Variants in MCPH1 observed in about 807,000 individuals in gnomAD.
MCPH1 encodes microcephalin.
A neutral mutation model predicts 84.5 loss-of-function variants in MCPH1; 104 were observed. That is an observed-to-expected ratio of 1.23 (90% confidence interval 1.05 to 1.45). The LOEUF is 1.45. Ranked by LOEUF, MCPH1 falls within the 40% of genes most tolerant of loss-of-function variation. The probability of loss-of-function intolerance (pLI) is 0.00; values close to 1 mark genes in which losing one functional copy is unlikely to be tolerated. For missense variants in MCPH1, 1,498 were observed against 1,005.7 expected, an observed-to-expected ratio of 1.49 and a Z score of -6.62; for synonymous variants, 514 against 366.8, an observed-to-expected ratio of 1.40 and a Z score of -4.58.
Position 6,592,459 on chromosome 8 carries a change from C to A in MCPH1, c.2215-28995C>A, listed in dbSNP as rs190238677. 6.1e-4 allele frequency among the ~76,000 whole-genome samples: 89 copies of A among 145,930 alleles called. 1 individual carries two copies. The highest frequency in any genetic ancestry group is 2.4e-3 in the African/African-American group (86 of 35,596). On this transcript the variant is annotated intron_variant, in intron 12 of 13. Coordinates refer to ENST00000344683, the MANE Select transcript of MCPH1 (RefSeq NM_024596.5). ...TTTTTGTGTTTTTCATAAATTAAATCTTGTAACTATTATATATTTCACAGA... is the reference window on the plus strand; with the variant it reads ...TTTTTGTGTTTTTCATAAATTAAATATTGTAACTATTATATATTTCACAGA...
intron 8 of MCPH1, chr8:6,446,426 C>A (rs1804381817): frequency 4.1e-6 from 4 of 985,302 alleles, no homozygotes; most frequent in Non-Finnish European, 4.8e-6. Context: ...TTGAAATCAT[C>A]ACAGACATGT....
chr8:6,590,394 T>G (rs1298804965), intron 12 of MCPH1, among the ~76,000 whole-genome samples: 1 of 151,102 alleles, frequency 6.6e-6, no homozygotes, highest in Admixed American at 6.6e-5. Context: ...TCATAAGCCA[T>G]TGTAACCAAA....
At chr8:6,595,976 A>T (rs773046916) in intron 12 of MCPH1, among the ~76,000 whole-genome samples, 1 of 152,232 alleles carries the variant, frequency 6.6e-6, no homozygotes, top group Non-Finnish European at 1.5e-5. Flanking sequence ...AATTTAAGAA[A>T]TGAATAATAT....
intron 9 of MCPH1, among the ~76,000 whole-genome samples, chr8:6,472,358 ACATCAAATGGAT>A (rs1263838188): frequency 6.6e-6 from 1 of 152,258 alleles, no homozygotes; most frequent in African/African-American, 2.4e-5. Context: ...CAATAGTAAC[ACATCAAATGGAT>A]CTCCTAATTA....
intron 3 of MCPH1, among the ~76,000 whole-genome samples, chr8:6,424,526 C>T (rs1800769048): frequency 6.6e-6 from 1 of 152,228 alleles, no homozygotes. Flanking sequence ...GCCTCCTCAG[C>T]CTTCTCACCC....
At chr8:6,460,981 G>A (rs1318688673) in intron 9 of MCPH1, among the ~76,000 whole-genome samples, 2 of 152,082 alleles carry the variant, frequency 1.3e-5, no homozygotes, top group Admixed American at 1.3e-4. Flanking sequence ...GAATTTTAAC[G>A]GCCACTTAAC....
At chr8:6,632,823 A>C (rs534329036) in intron 13 of MCPH1, among the ~76,000 whole-genome samples, 10 of 152,196 alleles carry the variant, frequency 6.6e-5, no homozygotes, top group Middle Eastern at 3.4e-3. Flanking sequence ...GAAGAAAAGA[A>C]AAAAAAACTC....
At chr8:6,474,469 A>G (rs577727932) in intron 9 of MCPH1, among the ~76,000 whole-genome samples, 8 of 152,268 alleles carry the variant, frequency 5.3e-5, no homozygotes, top group African/African-American at 1.7e-4. Context: ...GTCTCCAAAA[A>G]AAAAATTGCA....
chr8:6,409,176 G>T, intron 1 of MCPH1, 103 bp from the exon 2 acceptor site: 1 of 975,456 alleles, frequency 1.0e-6, no homozygotes, highest in South Asian at 1.4e-5. Flanking sequence ...GTGAGCCACT[G>T]TGCCGGCCTC....
At chr8:6,488,884 A>T (rs1192806636) in intron 11 of MCPH1, among the ~76,000 whole-genome samples, 2 of 151,904 alleles carry the variant, frequency 1.3e-5, no homozygotes, top group African/African-American at 2.4e-5. Context: ...CTGTGTCTAG[A>T]GGGGGGGTTG....
chr8:6,562,513 G>A (rs573992647), intron 12 of MCPH1: 9 of 751,546 alleles, frequency 1.2e-5, no homozygotes, highest in Middle Eastern at 4.2e-4. Context: ...GAGGGTACCA[G>A]CAACCCGCTC....
chr8:6,592,327 G>T (rs898366585), intron 12 of MCPH1, among the ~76,000 whole-genome samples: 1 of 151,124 alleles, frequency 6.6e-6, no homozygotes, highest in East Asian at 2.0e-4. Context: ...AATTATTTTT[G>T]GTAGAGACAG....
At chr8:6,496,415 GC>G (rs1811231877) in intron 11 of MCPH1, among the ~76,000 whole-genome samples, 1 of 152,126 alleles carries the variant, frequency 6.6e-6, no homozygotes, top group African/African-American at 2.4e-5. Flanking sequence ...CTGCTGTGTG[GC>G]CCCGTTCCTA....
chr8:6,521,235 G>T, intron 12 of MCPH1: 5 of 1,613,906 alleles, frequency 3.1e-6, no homozygotes, highest in Non-Finnish European at 4.2e-6. Context: ...AGATCATGTT[G>T]CTGCTTCTGA....
intron 12 of MCPH1, among the ~76,000 whole-genome samples, chr8:6,587,229 C>G (rs1828064589): frequency 6.6e-6 from 1 of 152,168 alleles, no homozygotes; most frequent in Non-Finnish European, 1.5e-5. Context: ...TCACTGAAGT[C>G]TGGCAAATAC....
chr8:6,628,785 G>C (rs528435089), intron 13 of MCPH1, among the ~76,000 whole-genome samples: 1 of 152,318 alleles, frequency 6.6e-6, no homozygotes, highest in East Asian at 1.9e-4. Flanking sequence ...GATCAGAAAG[G>C]TTAATGGACA....
intron 12 of MCPH1, among the ~76,000 whole-genome samples, chr8:6,594,942 G>C (rs778331347): frequency 2.0e-5 from 3 of 152,210 alleles, no homozygotes; most frequent in Non-Finnish European, 4.4e-5. Context: ...GTTTTAAACT[G>C]TTCTTTAAAA....
intron 12 of MCPH1, among the ~76,000 whole-genome samples, chr8:6,542,207 A>G (rs1821719235): frequency 6.6e-6 from 1 of 152,106 alleles, no homozygotes; most frequent in Non-Finnish European, 1.5e-5. Flanking sequence ...AAAATGTCTC[A>G]GTGTTTTTCT....
intron 12 of MCPH1, among the ~76,000 whole-genome samples, chr8:6,605,973 A>G (rs576694283): frequency 6.6e-6 from 1 of 152,358 alleles, no homozygotes; most frequent in South Asian, 2.1e-4. Context: ...CTGGGATTAC[A>G]GGCATGAGCC....
Sources: gnomAD v4.1 joint callset for allele counts (sites outside exome capture counted in the v4.1 genomes callset) on GRCh38, gnomAD v4.1.1 for gene constraint, MANE v1.5 for transcripts, NCBI Gene and HGNC (gene_info 2026-07-23, HGNC 2026-07-21) for gene names.